NUP62CL: variants seen among roughly 807,000 people sequenced by gnomAD.
NUP62CL encodes the protein nucleoporin 62 C-terminal like.
A neutral mutation model predicts 15.3 loss-of-function variants in NUP62CL; 13 were observed. The ratio of observed to expected loss-of-function variants is 0.85; its 90% confidence interval spans 0.55 to 1.35. NUP62CL has a LOEUF of 1.35. Ranked by LOEUF, NUP62CL falls within the 40% of genes most tolerant of loss-of-function variation. The pLI, the probability that NUP62CL is intolerant of heterozygous loss-of-function variation, is 0.00. For missense variants in NUP62CL, 123 were observed against 130.6 expected (o/e 0.94, Z 0.28); for synonymous variants, 54 against 49.2 (o/e 1.10, Z -0.41).
At chrX:107,155,106 G>A (rs1926143818) in intron 4 of NUP62CL, among the ~76,000 whole-genome samples, 1 of 111,385 alleles carries the variant, frequency 9.0e-6, no homozygotes, top group Non-Finnish European at 1.9e-5. Flanking sequence ...TGCCATCCAT[G>A]GGGTCAGCAA....
chrX:107,146,302 C>G (rs1345144782), intron 8 of NUP62CL, among the ~76,000 whole-genome samples: 1 of 111,708 alleles, frequency 9.0e-6, no homozygotes, highest in Admixed American at 9.5e-5. Flanking sequence ...TTGCCTGAAT[C>G]AATGATTGTG....
chrX:107,186,128 T>A (rs1927056336), intron 2 of NUP62CL, among the ~76,000 whole-genome samples: 1 of 111,470 alleles, frequency 9.0e-6, no homozygotes, highest in South Asian at 3.8e-4. Flanking sequence ...GTTAGAGAGT[T>A]CAATACCCGT....
chrX:107,152,079 G>GATAT (rs750141716), intron 7 of NUP62CL, among the ~76,000 whole-genome samples: 15 of 37,384 alleles, frequency 4.0e-4, no homozygotes, highest in African/African-American at 2.0e-3. Context: ...TATATATTCA[G>GATAT]ATATATATAT....
intron 3 of NUP62CL, among the ~76,000 whole-genome samples, chrX:107,174,133 C>G (rs1444947313): frequency 1.3e-5 from 1 of 79,014 alleles, no homozygotes; most frequent in East Asian, 4.9e-4. Context: ...CCCCCTCTCT[C>G]TCTTTCTTTC....
At position 107,206,261 on chromosome X, in the gene NUP62CL, C is replaced by A. The variant is rs1440091079; in HGVS notation, c.-92+12G>T. On this transcript the variant is annotated intron_variant, in intron 1 of 8. Transcript: ENST00000372466. ...CTGACGAACGGGACAAACGAAAACC[C>A]CACAAACTTACCTTACTGGCAAGTC... is the stretch of plus-strand genomic sequence containing the variant. 9.0e-6 allele frequency: 1 copy of A among 110,694 alleles called. No individual in the cohort carries two copies. The highest frequency in any genetic ancestry group is 3.3e-5 in the African/African-American group (1 of 30,394). The allele number at this position is 110,694 out of a possible 1,213,427, so 9.1% of individuals were successfully genotyped here. A position where few individuals can be genotyped will look rare whatever the true frequency, so the allele number is the denominator to read the frequency against.
chrX:107,157,798 T>C (rs1926245616), intron 4 of NUP62CL, among the ~76,000 whole-genome samples: 1 of 111,347 alleles, frequency 9.0e-6, no homozygotes, highest in Non-Finnish European at 1.9e-5. Context: ...TAAATGTAAA[T>C]GGACTAAATT....
At chrX:107,140,767 T>G (rs138021905) in intron 8 of NUP62CL, among the ~76,000 whole-genome samples, 1,373 of 112,145 alleles carry the variant, frequency 0.012, 9 homozygotes, top group Non-Finnish European at 0.017. Context: ...TGTTGTCCCT[T>G]CAAACACTGA....
chrX:107,206,276 A>AC lies in NUP62CL; in HGVS notation c.-96dup, dbSNP rs1927686451. The AC allele has an allele frequency of 9.1e-6, 1 of 110,325 alleles. No individual in the cohort carries two copies. Among genetic ancestry groups the AC allele is most frequent in the Non-Finnish European group, 1.9e-5 (1 of 52,788 alleles). 9.1% of individuals were successfully genotyped at this position (110,325 alleles called of 1,213,427 possible). ...AACGAAAACCCCACAAACTTACCTT[A>AC]CTGGCAAGTCGCCGCCGCTCGCTGT... On this transcript the variant is annotated 5_prime_UTR_variant, in exon 1 of 9. Transcript: ENST00000372466.
At chrX:107,129,831 A>G (rs992236536) in intron 8 of NUP62CL, among the ~76,000 whole-genome samples, 8 of 112,366 alleles carry the variant, frequency 7.1e-5, no homozygotes, top group African/African-American at 2.6e-4. Flanking sequence ...CAGAAAGAAT[A>G]AAACATACAT....
rs1927250919 is a variant in NUP62CL, at chrX:107,191,838, CT to C, written c.-48+1190del. ...AAAACAATTTTTAGAGATTTTTTAT[CT>C]TTTTTTCCACACTAACCAACTACAG... On this transcript the variant is annotated intron_variant, in intron 2 of 8. Coordinates refer to ENST00000372466, the MANE Select transcript of NUP62CL (RefSeq NM_017681.3). Among the ~76,000 whole-genome samples, 3 of 112,031 alleles carry C rather than the reference CT, an allele frequency of 2.7e-5. No homozygotes were observed. In the Admixed American group the frequency reaches 2.8e-4, roughly 11 times the overall value.
At chrX:107,164,702 C>T (rs754006338) in intron 4 of NUP62CL, among the ~76,000 whole-genome samples, 13 of 112,162 alleles carry the variant, frequency 1.2e-4, no homozygotes, top group Non-Finnish European at 2.3e-4. Context: ...AAAAAATGGG[C>T]CAACTCTTTA....
Position 107,123,979 on chromosome X carries a change from G to C in NUP62CL, c.*396C>G. The C allele has an allele frequency of 5.0e-6, 1 of 201,581 alleles. No individual in the cohort carries two copies. Among genetic ancestry groups the C allele is most frequent in the Non-Finnish European group, 8.9e-6 (1 of 111,934 alleles). 16.6% of individuals were successfully genotyped at this position (201,581 alleles called of 1,213,427 possible). A position where few individuals can be genotyped will look rare whatever the true frequency, so the allele number is the denominator to read the frequency against. On this transcript the variant is annotated 3_prime_UTR_variant, in exon 9 of 9. Transcript: ENST00000372466. ...AGAAGGATGATGTGTACTGATGCCA[G>C]GGAGAGTAAGACATAAATTACACAT... is the stretch of plus-strand genomic sequence containing the variant.
chrX:107,193,617 C>A (rs1242706786), intron 1 of NUP62CL, among the ~76,000 whole-genome samples: 1 of 110,851 alleles, frequency 9.0e-6, no homozygotes, highest in African/African-American at 3.3e-5. Flanking sequence ...TTGATAAAAC[C>A]TTCAAGGTCC....
intron 8 of NUP62CL, among the ~76,000 whole-genome samples, chrX:107,145,802 C>T (rs765173539): frequency 9.0e-6 from 1 of 111,468 alleles, no homozygotes; most frequent in Admixed American, 9.6e-5. Context: ...CTAAGACTAT[C>T]CACTTATTTT....
chrX:107,204,869 ATTAT>A (rs60000064), intron 1 of NUP62CL, among the ~76,000 whole-genome samples: 1 of 62,276 alleles, frequency 1.6e-5, no homozygotes, highest in Admixed American at 1.8e-4. Context: ...TTTTAAATAA[ATTAT>A]TTAAATAAAT....
At chrX:107,134,745 G>A (rs1435869383) in intron 8 of NUP62CL, among the ~76,000 whole-genome samples, 1 of 111,427 alleles carries the variant, frequency 9.0e-6, no homozygotes, top group Admixed American at 9.4e-5. Flanking sequence ...CATCATGCCT[G>A]GCCCAAAGAA....
rs144500599 is a variant in NUP62CL, at chrX:107,200,023, G to A, written c.-92+6250C>T. ...CCCAGAGAGAAATTGATAGGGAGAG[G>A]TGAAGTTAGCCCAGGCATTTTGAAG... is the stretch of plus-strand genomic sequence containing the variant. On this transcript the variant is annotated intron_variant, in intron 1 of 8. Transcript: ENST00000372466. Among the ~76,000 whole-genome samples, 651 of 111,889 alleles carry A rather than the reference G, an allele frequency of 5.8e-3. 2 individuals are homozygous for A. The highest frequency in any genetic ancestry group is 0.023 in the Middle Eastern group (5 of 217).
At chrX:107,202,932 C>T (rs1178274825) in intron 1 of NUP62CL, among the ~76,000 whole-genome samples, 3 of 97,375 alleles carry the variant, frequency 3.1e-5, no homozygotes, top group African/African-American at 1.2e-4. Flanking sequence ...GAGCTGTGAT[C>T]ATACCACTGC....
intron 4 of NUP62CL, among the ~76,000 whole-genome samples, chrX:107,155,510 G>T (rs1399889445): frequency 9.0e-6 from 1 of 111,672 alleles, no homozygotes; most frequent in Non-Finnish European, 1.9e-5. Flanking sequence ...TTTCATGAGG[G>T]ATGAGTCAGT....
Sources: allele counts gnomAD v4.1 joint callset (sites outside exome capture counted in the v4.1 genomes callset), GRCh38; gene constraint gnomAD v4.1.1; transcripts MANE v1.5; gene names NCBI Gene and HGNC (gene_info 2026-07-23, HGNC 2026-07-21).